DNAH2: variants seen among roughly 807,000 people sequenced by gnomAD.
The protein encoded by DNAH2 is axonemal beta dynein heavy chain 2.
Under a neutral mutation model 523.5 loss-of-function variants are expected in DNAH2, and 323 were observed. The observed-to-expected ratio is 0.62, with a 90% confidence interval of 0.56 to 0.68. The LOEUF is 0.68. DNAH2 is among the 30% of genes least tolerant of loss of function. DNAH2 has a pLI of 0.00. For synonymous variants in DNAH2, 2,093 were observed against 2,177.4 expected (o/e 0.96, Z 1.08); for missense variants, 4,907 against 5,701.5 (o/e 0.86, Z 4.49).
At chr17:7,749,919 C>T (rs1004262516) in intron 12 of DNAH2, among the ~76,000 whole-genome samples, 1 of 152,080 alleles carries the variant, frequency 6.6e-6, no homozygotes, top group Non-Finnish European at 1.5e-5. Context: ...CTCGCTTGAA[C>T]CCGGGAGGCA....
At chr17:7,819,447 G>A (rs760234569) in intron 72 of DNAH2, 39 bp downstream of exon 72, 30 of 1,610,296 alleles carry the variant, frequency 1.9e-5, no homozygotes, top group East Asian at 2.2e-5. Context: ...CCCGGAGGCC[G>A]AGTGGCTGTG....
In DNAH2 at chr17:7,780,703, T is replaced by C. The variant is rs1480470001; in HGVS notation, c.5924T>C (p.Phe1975Ser). ...QQLSRQDHYD[F>S]GLRALTSLLR... ...CTGTCCAGACAGGACCACTATGACT[T>C]TGGCCTGCGTGCCCTCACCTCCCTT... is the stretch of plus-strand genomic sequence containing the variant. The change falls in exon 38 of 86, where the codon TTT (phenylalanine) becomes TCT (serine). Residue 1975 changes from phenylalanine to serine, a missense_variant. Phe to Ser is a radical substitution (Grantham distance 155, BLOSUM62 -2). Around this residue, in one of 3 missense-constraint regions of DNAH2, gnomAD observed 2,806 missense variants for 3,190.8 expected, o/e 0.88. Transcript: ENST00000572933. The surrounding 1 kb of genome is among the most constrained non-coding windows in gnomAD (Gnocchi z 4.4). The C allele has an allele frequency of 1.9e-6, 3 of 1,614,258 alleles. No homozygotes were observed. Among genetic ancestry groups the C allele is most frequent in the Non-Finnish European group, 2.5e-6 (3 of 1,180,052 alleles).
intron 59 of DNAH2, 97 bp from the exon 60 acceptor site, chr17:7,804,860 AT>A: frequency 8.8e-7 from 1 of 1,130,352 alleles, no homozygotes. Context: ...AAAAAAAAAA[AT>A]TCTTTAGCTT....
intron 13 of DNAH2, 121 bp downstream of exon 13, chr17:7,757,358 CAAA>C: frequency 1.9e-6 from 2 of 1,039,702 alleles, no homozygotes; most frequent in Non-Finnish European, 1.3e-6. Flanking sequence ...TTTTCCATCT[CAAA>C]AAAAAAAAAT....
intron 60 of DNAH2, 86 bp from the exon 61 acceptor site, chr17:7,805,166 G>GCA: frequency 6.3e-7 from 1 of 1,595,510 alleles, no homozygotes; most frequent in East Asian, 2.2e-5. Context: ...AGACTCTGGG[G>GCA]AAGTGGGAAG....
intron 8 of DNAH2, among the ~76,000 whole-genome samples, chr17:7,739,236 T>A (rs1471743621): frequency 6.6e-6 from 1 of 152,058 alleles, no homozygotes; most frequent in East Asian, 1.9e-4. Context: ...TGAAACCCCG[T>A]CTCTACTAAA....
intron 39 of DNAH2, among the ~76,000 whole-genome samples, chr17:7,785,083 G>T (rs562145904): frequency 3.7e-5 from 5 of 134,176 alleles, no homozygotes; most frequent in Non-Finnish European, 7.9e-5. Context: ...GATCAAAGAA[G>T]AAATTAGAGA....
intron 3 of DNAH2, 42 bp downstream of exon 3, chr17:7,723,731 A>C: frequency 1.3e-6 from 2 of 1,558,650 alleles, no homozygotes; most frequent in Non-Finnish European, 1.8e-6. Context: ...CCTCCCCCAA[A>C]ACTGGTGAAT....
intron 77 of DNAH2, among the ~76,000 whole-genome samples, chr17:7,829,028 T>C (rs900014000): frequency 2.8e-4 from 38 of 134,014 alleles, no homozygotes; most frequent in African/African-American, 1.0e-3. Flanking sequence ...ATTATTATTA[T>C]TATTTTTTTT....
chr17:7,730,903 T>C (rs1374834937), intron 4 of DNAH2, among the ~76,000 whole-genome samples: 4 of 152,016 alleles, frequency 2.6e-5, no homozygotes, highest in Non-Finnish European at 5.9e-5. Context: ...TTGCCTGAGC[T>C]CAGGAGTTTA....
chr17:7,766,731 T>A (rs1355703212), intron 22 of DNAH2, among the ~76,000 whole-genome samples: 3 of 133,268 alleles, frequency 2.3e-5, no homozygotes. Context: ...CACTATAACC[T>A]CTGCCTCCCG....
intron 68 of DNAH2, 79 bp from the exon 69 acceptor site, chr17:7,818,233 C>T (rs1597760286): frequency 6.3e-6 from 10 of 1,597,834 alleles, no homozygotes; most frequent in African/African-American, 1.3e-5. Context: ...TGAGTCGCTG[C>T]CCCTGGATGC....
intron 77 of DNAH2, among the ~76,000 whole-genome samples, chr17:7,826,247 T>G (rs2078014961): frequency 6.6e-6 from 1 of 152,172 alleles, no homozygotes; most frequent in African/African-American, 2.4e-5. Context: ...CTCGAACTCC[T>G]GACCTCAGGT....
intron 63 of DNAH2, among the ~76,000 whole-genome samples, chr17:7,808,285 C>T (rs1295166561): frequency 6.6e-6 from 1 of 151,438 alleles, no homozygotes; most frequent in Non-Finnish European, 1.5e-5. Context: ...GCATGAGAAT[C>T]GCTTGAACCC....
At chr17:7,770,978 C>T in intron 27 of DNAH2, 45 bp downstream of exon 27, 1 of 1,591,236 alleles carries the variant, frequency 6.3e-7, no homozygotes, top group South Asian at 1.1e-5. Flanking sequence ...TGCTCTTACT[C>T]CTTCTTTTTC....
In DNAH2 at chr17:7,754,021, T is replaced by G. The variant is rs2075765711; in HGVS notation, c.1905-3070T>G. ...CCTGGGAAGCATCCATGGGGTGGAG[T>G]GCTAGGGGATGCTTGGTGAGTGTGA... On this transcript the variant is annotated intron_variant, in intron 12 of 85. Transcript: ENST00000572933. This position sits in a 1 kb window ranked among gnomAD's most constrained non-coding sequence, Gnocchi z 4.6. Among the ~76,000 whole-genome samples the G allele has an allele frequency of 6.6e-6, 1 of 150,750 alleles. No individual in the cohort carries two copies. The highest frequency in any genetic ancestry group is 2.1e-4 in the South Asian group (1 of 4,742).
In DNAH2 at chr17:7,747,487, C is replaced by T. The variant is rs959013058; in HGVS notation, c.1904+4345C>T. On this transcript the variant is annotated intron_variant, in intron 12 of 85. Transcript: ENST00000572933. The stretch of plus-strand genomic sequence containing the variant: ...GCTGGTGGATTTCAACTGTGATTCC[C>T]GCACTTTGTTCCCTTCCCTCTGCAG... Among the ~76,000 whole-genome samples, 12 of 152,086 alleles carry T rather than the reference C, an allele frequency of 7.9e-5. 1 individual carries two copies. The highest frequency in any genetic ancestry group is 3.9e-4 in the Admixed American group (6 of 15,244).
At position 7,792,003 on chromosome 17, in the gene DNAH2, G is replaced by A; in HGVS notation, c.6987G>A (p.Val2329=). The part of the protein sequence containing the change: ...FSMIWSVCAS[V]DEEGRKRIDS... ...TGATCTGGTCTGTGTGTGCCTCTGT[G>A]GATGAGGAGGGCCGGAAGAGGATCG... Residue 2329 remains valine, a synonymous_variant, in exon 45 of 86, where the codon GTG becomes GTA. Transcript: ENST00000572933. The A allele has an allele frequency of 1.2e-6, 2 of 1,614,108 alleles. No homozygotes were observed. The highest frequency in any genetic ancestry group is 1.7e-6 in the Non-Finnish European group (2 of 1,180,036).
At chr17:7,740,191 T>G in intron 9 of DNAH2, among the ~76,000 whole-genome samples, 1 of 152,028 alleles carries the variant, frequency 6.6e-6, no homozygotes, top group Non-Finnish European at 1.5e-5. Flanking sequence ...ATTGGGCAAA[T>G]TACTCCACCA....
Sources: allele counts gnomAD v4.1 joint callset (sites outside exome capture counted in the v4.1 genomes callset), GRCh38; gene constraint gnomAD v4.1.1; regional missense constraint gnomAD v4.1.1; non-coding constraint Gnocchi (gnomAD v3.1); transcripts MANE v1.5; gene names NCBI Gene and HGNC (gene_info 2026-07-23, HGNC 2026-07-21).